The following GABRG3 variants were observed in gnomAD, a reference collection of about 807,000 sequenced individuals.
GABRG3 encodes the protein gamma-aminobutyric acid receptor subunit gamma-3.
A neutral mutation model predicts 48.8 loss-of-function variants in GABRG3; 25 were observed. The observed-to-expected ratio is 0.51, with a 90% CI of 0.37 to 0.72. The LOEUF (loss-of-function observed/expected upper bound fraction) is 0.72, where lower values mean the gene tolerates loss of function less well. Ranked by LOEUF, GABRG3 falls within the 30% of genes least tolerant of loss-of-function variation. The pLI, the probability that GABRG3 is intolerant of heterozygous loss-of-function variation, is 0.00. For synonymous variants in GABRG3, 227 were observed against 217.6 expected (o/e 1.04, Z -0.38); for missense variants, 394 against 577.9 (o/e 0.68, Z 3.26).
At chr15:27,082,220 C>A (rs1897003503) in intron 3 of GABRG3, among the ~76,000 whole-genome samples, 1 of 152,138 alleles carries the variant, frequency 6.6e-6, no homozygotes, top group Non-Finnish European at 1.5e-5. Context: ...AAGTGTCAGG[C>A]ACAAAAACAC....
intron 2 of GABRG3, among the ~76,000 whole-genome samples, chr15:27,003,497 T>A (rs1423916976): frequency 2.0e-5 from 3 of 152,056 alleles, no homozygotes; most frequent in African/African-American, 7.2e-5. Flanking sequence ...CATTTAACCC[T>A]GAGTGGACAC....
chr15:27,063,170 A>G (rs1228543858), intron 3 of GABRG3, among the ~76,000 whole-genome samples: 2 of 152,236 alleles, frequency 1.3e-5, no homozygotes, highest in African/African-American at 4.8e-5. Flanking sequence ...GAGCCATGAC[A>G]AAAGTGGAAA....
In GABRG3 at chr15:27,112,164, T is replaced by A. The variant is rs551633979; in HGVS notation, c.270+85343T>A. 6.6e-5 allele frequency among the ~76,000 whole-genome samples: 10 copies of A among 152,222 alleles called. No homozygotes were observed. In the South Asian group the frequency reaches 1.5e-3, roughly 22 times the overall value. On this transcript the variant is annotated intron_variant, in intron 3 of 9. Coordinates refer to ENST00000615808, the MANE Select transcript of GABRG3 (RefSeq NM_033223.5). ...TCAATTCCCATCATTTTATGGCCCT[T>A]GTGGATTCTGCTCCAAGCAAGCAGA... is the stretch of plus-strand genomic sequence containing the variant.
chr15:27,133,080 T>C (rs1391373838), intron 3 of GABRG3, among the ~76,000 whole-genome samples: 1 of 152,118 alleles, frequency 6.6e-6, no homozygotes, highest in Non-Finnish European at 1.5e-5. Context: ...TTTAAGAGTA[T>C]GTTGTTTATT....
intron 3 of GABRG3, among the ~76,000 whole-genome samples, chr15:27,147,360 T>G (rs1898227985): frequency 6.6e-6 from 1 of 151,900 alleles, no homozygotes; most frequent in Non-Finnish European, 1.5e-5. Flanking sequence ...GCTAAAATAG[T>G]GGTTGGCTTG....
chr15:27,277,005 G>GA (rs912071538), intron 3 of GABRG3, among the ~76,000 whole-genome samples: 16 of 152,106 alleles, frequency 1.1e-4, no homozygotes, highest in African/African-American at 3.6e-4. Context: ...AGTAAAGGAA[G>GA]AAAAAAATCA....
At chr15:27,177,544 G>C (rs1887785802) in intron 3 of GABRG3, among the ~76,000 whole-genome samples, 1 of 152,140 alleles carries the variant, frequency 6.6e-6, no homozygotes, top group Non-Finnish European at 1.5e-5. Flanking sequence ...TATCATTCTT[G>C]CTTCAAAGTT....
chr15:27,300,480 A>G (rs758365619), intron 3 of GABRG3, among the ~76,000 whole-genome samples: 10 of 141,806 alleles, frequency 7.1e-5, no homozygotes, highest in Non-Finnish European at 1.6e-4. Context: ...CCTGACCAAC[A>G]TGGTGAAACC....
chr15:27,466,006 T>A (rs1889597863), intron 5 of GABRG3, among the ~76,000 whole-genome samples: 1 of 152,170 alleles, frequency 6.6e-6, no homozygotes, highest in African/African-American at 2.4e-5. Flanking sequence ...CCCAAGAGAT[T>A]GAGTGGGTTG....
At chr15:27,237,958 G>T (rs1418364564) in intron 3 of GABRG3, among the ~76,000 whole-genome samples, 2 of 152,158 alleles carry the variant, frequency 1.3e-5, no homozygotes. Context: ...CCTCTTGAAC[G>T]CTGTAATACT....
chr15:27,110,444 C>T (rs950686336), intron 3 of GABRG3, among the ~76,000 whole-genome samples: 1 of 151,824 alleles, frequency 6.6e-6, no homozygotes, highest in Non-Finnish European at 1.5e-5. Context: ...TTTTATTTTA[C>T]CTCCACTTAT....
At chr15:27,027,497 G>A (rs1429141668) in intron 3 of GABRG3, among the ~76,000 whole-genome samples, 3 of 152,208 alleles carry the variant, frequency 2.0e-5, no homozygotes, top group Non-Finnish European at 4.4e-5. Context: ...GGAGACGTGA[G>A]GCCGAGGGAG....
intron 5 of GABRG3, among the ~76,000 whole-genome samples, chr15:27,330,638 T>C (rs188482148): frequency 1.3e-5 from 2 of 152,384 alleles, no homozygotes; most frequent in Admixed American, 6.5e-5. Context: ...GAAAGAATAG[T>C]GCTTGTATAA....
chr15:27,398,255 T>C (rs1237868310), intron 5 of GABRG3, among the ~76,000 whole-genome samples: 1 of 152,176 alleles, frequency 6.6e-6, no homozygotes, highest in Non-Finnish European at 1.5e-5. Flanking sequence ...AGGCCTTACA[T>C]TGTGCCTGAT....
At chr15:27,167,286 T>G (rs1887408821) in intron 3 of GABRG3, among the ~76,000 whole-genome samples, 1 of 152,248 alleles carries the variant, frequency 6.6e-6, no homozygotes, top group South Asian at 2.1e-4. Context: ...ATTTGTCTTT[T>G]GTCCTTTAGA....
chr15:27,102,367 A>G (rs1174586000), intron 3 of GABRG3, among the ~76,000 whole-genome samples: 1 of 152,194 alleles, frequency 6.6e-6, no homozygotes, highest in Admixed American at 6.5e-5. Context: ...AGAAACTCGA[A>G]CTGAGCTCTA....
At chr15:27,518,952 T>TG (rs1409102350) in intron 6 of GABRG3, among the ~76,000 whole-genome samples, 4 of 151,948 alleles carry the variant, frequency 2.6e-5, no homozygotes, top group Non-Finnish European at 5.9e-5. Context: ...TTGGACTAGA[T>TG]GGGGAAAGGA....
intron 3 of GABRG3, among the ~76,000 whole-genome samples, chr15:27,115,605 T>G (rs1897627714): frequency 6.6e-6 from 1 of 152,236 alleles, no homozygotes; most frequent in South Asian, 2.1e-4. Context: ...TACTAGGTGC[T>G]AAGACTATGC....
At chr15:27,311,638 A>G (rs1045377889) in intron 3 of GABRG3, among the ~76,000 whole-genome samples, 1 of 151,864 alleles carries the variant, frequency 6.6e-6, no homozygotes, top group Non-Finnish European at 1.5e-5. Context: ...CCCTGGGGAT[A>G]GGGAAAAAAA....
Sources: gnomAD v4.1 joint callset for allele counts (sites outside exome capture counted in the v4.1 genomes callset) on GRCh38, gnomAD v4.1.1 for gene constraint, MANE v1.5 for transcripts, NCBI Gene and HGNC (gene_info 2026-07-23, HGNC 2026-07-21) for gene names.